The following SLC39A8 variants were observed in gnomAD, a reference collection of about 807,000 sequenced individuals.
The protein encoded by SLC39A8 is solute carrier family 39 member 8.
In SLC39A8, 15 loss-of-function variants were observed where a neutral mutation model predicts 40.4. The ratio of observed to expected loss-of-function variants is 0.37; its 90% confidence interval spans 0.25 to 0.57. The LOEUF (loss-of-function observed/expected upper bound fraction) is 0.57, where lower values mean the gene tolerates loss of function less well. SLC39A8 is among the 20% of genes least tolerant of loss of function. The pLI is 0.75. For synonymous variants in SLC39A8, 223 were observed against 221.6 expected (o/e 1.01, Z -0.06); for missense variants, 472 against 558.8 (o/e 0.84, Z 1.57).
At chr4:102,339,347 T>C (rs902649455) in intron 2 of SLC39A8, among the ~76,000 whole-genome samples, 1 of 151,798 alleles carries the variant, frequency 6.6e-6, no homozygotes, top group Non-Finnish European at 1.5e-5. Flanking sequence ...GAACAAATGT[T>C]CTTTATCTCT....
intron 6 of SLC39A8, 21 bp downstream of exon 6, chr4:102,304,296 A>G (rs1444182656): frequency 4.4e-6 from 7 of 1,590,478 alleles, no homozygotes; most frequent in East Asian, 2.2e-5. Flanking sequence ...ATAATGAAGG[A>G]AAAATGGAAT....
chr4:102,257,024 G>GC (rs1364002389), downstream of SLC39A8, among the ~76,000 whole-genome samples: 1 of 152,158 alleles, frequency 6.6e-6, no homozygotes, highest in Non-Finnish European at 1.5e-5. Context: ...CCCAGCAACA[G>GC]TTTTTTAGAT....
chr4:102,260,332 A>C (rs1472485152), downstream of SLC39A8, among the ~76,000 whole-genome samples: 2 of 152,236 alleles, frequency 1.3e-5, no homozygotes, highest in Non-Finnish European at 2.9e-5. Flanking sequence ...AGCTAAAAGC[A>C]ATGTTTCTCA....
Position 102,268,057 on chromosome 4 carries a change from G to A in SLC39A8, c.863C>T (p.Ser288Leu). 6.2e-7 allele frequency: 1 copy of A among 1,614,176 alleles called. No individual in the cohort carries two copies. The highest frequency in any genetic ancestry group is 8.5e-7 in the Non-Finnish European group (1 of 1,180,012). The change falls in exon 7 of 9, where the codon TCA becomes TTA. Residue 288 changes from serine to leucine, a missense_variant. Physicochemically the swap from Ser to Leu is moderately radical, Grantham distance 145. Coordinates refer to ENST00000356736, the MANE Select transcript of SLC39A8 (RefSeq NM_001135146.2). Reference protein sequence around the residue: ...SLQDGKKEPSSCTCLKGPKLS... With the variant: ...SLQDGKKEPSLCTCLKGPKLS... ...TTTGGGCCCCTTCAAACAGGTACAT[G>A]AACTTGGCTCTTTTTTTCCATCCTA...
chr4:102,313,243 C>A (rs1344005924), intron 3 of SLC39A8, among the ~76,000 whole-genome samples: 1 of 152,036 alleles, frequency 6.6e-6, no homozygotes, highest in Non-Finnish European at 1.5e-5. Flanking sequence ...TAACTTTGAG[C>A]AAATGACTTT....
chr4:102,323,313 A>G (rs75829635), intron 2 of SLC39A8, among the ~76,000 whole-genome samples: 4,117 of 152,324 alleles, frequency 0.027, 77 homozygotes, highest in Admixed American at 0.045. Context: ...ATCTTCAACA[A>G]TCTCATCATT....
intron 4 of SLC39A8, among the ~76,000 whole-genome samples, 187 bp from the exon 5 acceptor site, chr4:102,305,298 A>T (rs146731403): frequency 1.1e-3 from 170 of 152,070 alleles, no homozygotes; most frequent in Non-Finnish European, 2.0e-3. Context: ...ACTGTATGAG[A>T]TGGCACAAAA....
At chr4:102,292,311 T>TATATGCA (rs1228244512) in intron 6 of SLC39A8, among the ~76,000 whole-genome samples, 3 of 152,132 alleles carry the variant, frequency 2.0e-5, no homozygotes, top group Non-Finnish European at 4.4e-5. Context: ...ACCCTATAAA[T>TATATGCA]ATATGCAATT....
At position 102,305,042 on chromosome 4, in the gene SLC39A8, G is replaced by A; in HGVS notation, c.622C>T (p.Leu208=). ...KAVAVFGGFY[L]LFFFERMLKM... ...AGCATTCTTTCAAAAAAGAAAAGTA[G>A]GTAAAATCCACCAAACACAGCAACT... Residue 208 remains leucine, a synonymous_variant, in exon 5 of 9, where the codon CTA becomes TTA. Coordinates refer to ENST00000356736, the MANE Select transcript of SLC39A8 (RefSeq NM_001135146.2). 2.5e-6 allele frequency: 4 copies of A among 1,609,230 alleles called. No individual in the cohort carries two copies. Among genetic ancestry groups the A allele is most frequent in the South Asian group, 1.1e-5 (1 of 90,674 alleles).
intron 6 of SLC39A8, among the ~76,000 whole-genome samples, chr4:102,296,331 CT>C (rs5860724): frequency 0.41 from 61,904 of 151,888 alleles, 12,852 homozygotes; most frequent in Non-Finnish European, 0.44. Context: ...AAGAAGTCAT[CT>C]TTTTAAGTGA....
chr4:102,322,069 T>C (rs1281449316), intron 2 of SLC39A8, among the ~76,000 whole-genome samples: 2 of 152,216 alleles, frequency 1.3e-5, no homozygotes, highest in African/African-American at 4.8e-5. Flanking sequence ...TCCCATCATC[T>C]AGTAACAGAC....
chr4:102,280,896 G>A (rs1456798737), intron 6 of SLC39A8, among the ~76,000 whole-genome samples: 1 of 152,212 alleles, frequency 6.6e-6, no homozygotes, highest in African/African-American at 2.4e-5. Context: ...GTTATTTTCA[G>A]TTTGGGACCA....
downstream of SLC39A8, among the ~76,000 whole-genome samples, chr4:102,257,864 T>C (rs1009395278): frequency 6.6e-6 from 1 of 152,170 alleles, no homozygotes; most frequent in Non-Finnish European, 1.5e-5. Flanking sequence ...TCCTTTACAG[T>C]GAGCATGATA....
intron 2 of SLC39A8, among the ~76,000 whole-genome samples, chr4:102,325,437 AT>A (rs1735154967): frequency 6.6e-6 from 1 of 152,184 alleles, no homozygotes; most frequent in South Asian, 2.1e-4. Flanking sequence ...ATGCATACAC[AT>A]ACATACACAC....
At chr4:102,258,470 A>G (rs1390947645), downstream of SLC39A8, among the ~76,000 whole-genome samples, 1 of 152,170 alleles carries the variant, frequency 6.6e-6, no homozygotes, top group Non-Finnish European at 1.5e-5. Flanking sequence ...CAATTACTTC[A>G]AGACACAAAC....
intron 2 of SLC39A8, among the ~76,000 whole-genome samples, chr4:102,337,159 T>C (rs2149055059): frequency 6.6e-6 from 1 of 151,810 alleles, no homozygotes; most frequent in South Asian, 2.1e-4. Context: ...CTTCAGGCCT[T>C]ATTTTCCATT....
At chr4:102,344,064 T>C (rs1230865955) in intron 2 of SLC39A8, among the ~76,000 whole-genome samples, 1 of 152,212 alleles carries the variant, frequency 6.6e-6, no homozygotes, top group African/African-American at 2.4e-5. Flanking sequence ...GCTAACCTTG[T>C]AGGAAGTGTG....
intron 4 of SLC39A8, 48 bp downstream of exon 4, chr4:102,307,388 G>T (rs1462947): frequency 1.3e-6 from 2 of 1,594,780 alleles, no homozygotes; most frequent in Non-Finnish European, 1.7e-6. Context: ...GTGCTAAAAC[G>T]TTCAAAAGAA....
At chr4:102,336,486 G>C (rs564871481) in intron 2 of SLC39A8, among the ~76,000 whole-genome samples, 9 of 152,240 alleles carry the variant, frequency 5.9e-5, no homozygotes, top group South Asian at 2.1e-4. Flanking sequence ...TAGGTTCAAA[G>C]AACTAAAGAC....
Sources: gnomAD v4.1 joint callset for allele counts (sites outside exome capture counted in the v4.1 genomes callset) on GRCh38, gnomAD v4.1.1 for gene constraint, MANE v1.5 for transcripts, NCBI Gene and HGNC (gene_info 2026-07-23, HGNC 2026-07-21) for gene names.